Variants in CPNE8 observed in about 807,000 individuals in gnomAD.
CPNE8 encodes copine-8.
CPNE8 carries 45 observed loss-of-function variants against 81.5 expected under a neutral mutation model. That is an observed-to-expected ratio of 0.55 (90% confidence interval 0.44 to 0.71). The LOEUF is 0.71. CPNE8 is among the 30% of genes least tolerant of loss of function. CPNE8 has a pLI of 0.00. For missense variants in CPNE8, 594 were observed against 672.1 expected, an observed-to-expected ratio of 0.88 and a Z score of 1.28; for synonymous variants, 252 against 226.3, an observed-to-expected ratio of 1.11 and a Z score of -1.02.
At chr12:38,862,108 T>A (rs1433228098) in intron 3 of CPNE8, among the ~76,000 whole-genome samples, 1 of 152,112 alleles carries the variant, frequency 6.6e-6, no homozygotes, top group Non-Finnish European at 1.5e-5. Flanking sequence ...AGAAACTAAA[T>A]CTCTATTCAA....
chr12:38,848,430 T>C (rs1943590539), intron 4 of CPNE8, 129 bp downstream of exon 4: 3 of 1,372,854 alleles, frequency 2.2e-6, no homozygotes, highest in Non-Finnish European at 2.8e-6. Context: ...GGCCACACTC[T>C]GAACAGAATT....
chr12:38,777,650 T>G (rs1941963617), intron 6 of CPNE8, among the ~76,000 whole-genome samples: 1 of 152,310 alleles, frequency 6.6e-6, no homozygotes, highest in South Asian at 2.1e-4. Context: ...ATATGTTTAC[T>G]TATGTTTAGA....
At chr12:38,795,886 T>TAGATAGATAGATAGAC (rs1307402458) in intron 6 of CPNE8, among the ~76,000 whole-genome samples, 1 of 151,822 alleles carries the variant, frequency 6.6e-6, no homozygotes, top group Non-Finnish European at 1.5e-5. Flanking sequence ...GATAGATAGA[T>TAGATAGATAGATAGAC]AGATAGATAG....
intron 6 of CPNE8, among the ~76,000 whole-genome samples, chr12:38,810,366 A>G (rs529146836): frequency 2.8e-4 from 42 of 152,278 alleles, no homozygotes; most frequent in African/African-American, 9.6e-4. Flanking sequence ...GTGCAACTGA[A>G]TATTCTAATT....
At chr12:38,674,184 C>T (rs778497508) in intron 18 of CPNE8, among the ~76,000 whole-genome samples, 52 of 152,026 alleles carry the variant, frequency 3.4e-4, no homozygotes, top group Non-Finnish European at 7.4e-4. Context: ...AGTAGCAAAA[C>T]GGCTGTGCCT....
chr12:38,797,592 A>T (rs934129839), intron 6 of CPNE8, among the ~76,000 whole-genome samples: 2 of 152,128 alleles, frequency 1.3e-5, no homozygotes, highest in South Asian at 2.1e-4. Flanking sequence ...AACCACAAAG[A>T]TGGGGAAAAA....
chr12:38,904,467 TTTG>T, intron 1 of CPNE8, among the ~76,000 whole-genome samples: 2 of 132,512 alleles, frequency 1.5e-5, no homozygotes, highest in East Asian at 2.4e-4. Context: ...TCAGTTTTTT[TTTG>T]TTTTTTTTTT....
chr12:38,843,864 C>A (rs1943511994), intron 4 of CPNE8, among the ~76,000 whole-genome samples: 3 of 152,040 alleles, frequency 2.0e-5, no homozygotes, highest in Admixed American at 2.0e-4. Flanking sequence ...GCAATAGCTC[C>A]AGCTGAAGGG....
chr12:38,857,926 C>G (rs1344538346), intron 3 of CPNE8, among the ~76,000 whole-genome samples: 2 of 152,192 alleles, frequency 1.3e-5, no homozygotes, highest in East Asian at 3.9e-4. Flanking sequence ...CTTAATTCTC[C>G]CTGTTGATAA....
At chr12:38,708,313 T>C (rs140231731) in intron 13 of CPNE8, among the ~76,000 whole-genome samples, 12 of 152,238 alleles carry the variant, frequency 7.9e-5, no homozygotes, top group Non-Finnish European at 1.8e-4. Flanking sequence ...ATTACCCTTT[T>C]TCATTCTCTA....
chr12:38,774,724 C>T (rs1198178197), intron 7 of CPNE8, among the ~76,000 whole-genome samples: 1 of 151,720 alleles, frequency 6.6e-6, no homozygotes, highest in Non-Finnish European at 1.5e-5. Flanking sequence ...AGACAAAGTA[C>T]AAATTAGTAG....
intron 6 of CPNE8, among the ~76,000 whole-genome samples, chr12:38,783,604 C>A (rs1942102124): frequency 6.6e-6 from 1 of 152,154 alleles, no homozygotes; most frequent in Admixed American, 6.6e-5. Context: ...TCACACAGTC[C>A]TAGTGATGAT....
chr12:38,803,691 T>C (rs1942746301), intron 6 of CPNE8, among the ~76,000 whole-genome samples: 1 of 150,540 alleles, frequency 6.6e-6, no homozygotes, highest in South Asian at 2.1e-4. Flanking sequence ...TAAAGGGTAT[T>C]CAATTAGGAA....
chr12:38,788,738 T>C (rs1430330059), intron 6 of CPNE8, among the ~76,000 whole-genome samples: 2 of 151,724 alleles, frequency 1.3e-5, no homozygotes, highest in Non-Finnish European at 3.0e-5. Flanking sequence ...ACAAAAAAAC[T>C]ATTAGAATTG....
chr12:38,829,144 T>A (rs576757783), intron 6 of CPNE8, among the ~76,000 whole-genome samples: 1 of 152,292 alleles, frequency 6.6e-6, no homozygotes, highest in East Asian at 1.9e-4. Flanking sequence ...AAACAACACA[T>A]TTCCTTATTT....
intron 1 of CPNE8, among the ~76,000 whole-genome samples, chr12:38,897,290 A>G (rs559049607): frequency 6.6e-6 from 1 of 152,254 alleles, no homozygotes; most frequent in East Asian, 1.9e-4. Flanking sequence ...GGAAGTAACC[A>G]AAACAAGCTA....
chr12:38,798,150 C>T lies in CPNE8; in HGVS notation c.408-21849G>A, dbSNP rs544350439. Among the ~76,000 whole-genome samples, 16 of 152,214 alleles carry T rather than the reference C, an allele frequency of 1.1e-4. No homozygotes were observed. In the East Asian group the frequency reaches 3.1e-3, roughly 29 times the overall value. On this transcript the variant is annotated intron_variant, in intron 6 of 19. Transcript: ENST00000331366. Reference sequence around the variant, plus strand: ...GCAAGACATTATCCAGGAGAACTTCCCCAATCTAGCAAGGCAGGCCAACAT... The same window carrying T: ...GCAAGACATTATCCAGGAGAACTTCTCCAATCTAGCAAGGCAGGCCAACAT...
intron 19 of CPNE8, among the ~76,000 whole-genome samples, chr12:38,666,655 A>G (rs1939061976): frequency 6.6e-6 from 1 of 152,188 alleles, no homozygotes; most frequent in Admixed American, 6.5e-5. Flanking sequence ...AAGTTAGTTT[A>G]TTAAGATAAA....
chr12:38,758,197 C>T (rs1489397926), intron 10 of CPNE8, among the ~76,000 whole-genome samples: 6 of 151,866 alleles, frequency 4.0e-5, no homozygotes, highest in South Asian at 2.1e-4. Flanking sequence ...AGCTCTCATT[C>T]GCTTAATCTA....
Sources: gnomAD v4.1 joint callset for allele counts (sites outside exome capture counted in the v4.1 genomes callset) on GRCh38, gnomAD v4.1.1 for gene constraint, MANE v1.5 for transcripts, NCBI Gene and HGNC (gene_info 2026-07-23, HGNC 2026-07-21) for gene names.